Variants in ZFP64 observed in about 807,000 individuals in gnomAD.
ZFP64 encodes the protein ZFP64 zinc finger protein, also known as zinc finger protein 64.
In ZFP64, 14 loss-of-function variants were observed where a neutral mutation model predicts 51.6. That is an observed-to-expected ratio of 0.27 (90% CI 0.18 to 0.42). The LOEUF (loss-of-function observed/expected upper bound fraction) is 0.42, where lower values mean the gene tolerates loss of function less well. ZFP64 is among the 10% of genes least tolerant of loss of function. The probability of loss-of-function intolerance (pLI) is 1.00; values close to 1 mark genes in which losing one functional copy is unlikely to be tolerated. For synonymous variants in ZFP64, 375 were observed against 361.4 expected (o/e 1.04, Z -0.43); for missense variants, 754 against 906.8 (o/e 0.83, Z 2.16).
At chr20:52,178,931 G>T (rs370720929) in intron 2 of ZFP64, among the ~76,000 whole-genome samples, 51 of 152,202 alleles carry the variant, frequency 3.4e-4, no homozygotes, top group African/African-American at 1.2e-3. Context: ...ATTCTCCAAG[G>T]GCAAGCATCT....
At chr20:52,108,356 T>C (rs1277915238) in intron 5 of ZFP64, among the ~76,000 whole-genome samples, 1 of 152,238 alleles carries the variant, frequency 6.6e-6, no homozygotes, top group Admixed American at 6.5e-5. Flanking sequence ...ATTTTCCATG[T>C]AGGTATAATA....
intron 7 of ZFP64, among the ~76,000 whole-genome samples, chr20:52,093,041 CAG>C (rs2122724647): frequency 6.6e-6 from 1 of 152,184 alleles, no homozygotes; most frequent in East Asian, 1.9e-4. Flanking sequence ...TGAAATATGA[CAG>C]AAAGTGACAA....
At chr20:52,111,938 C>G (rs565795416) in intron 5 of ZFP64, among the ~76,000 whole-genome samples, 6 of 152,064 alleles carry the variant, frequency 3.9e-5, no homozygotes, top group Non-Finnish European at 5.9e-5. Context: ...AAAAAATTAG[C>G]TGGGATTGGT....
intron 5 of ZFP64, among the ~76,000 whole-genome samples, chr20:52,145,440 C>T (rs965360034): frequency 3.9e-5 from 6 of 152,170 alleles, no homozygotes; most frequent in Admixed American, 3.9e-4. Context: ...ATCACTTGAG[C>T]CCAGGAGTTT....
intron 5 of ZFP64, among the ~76,000 whole-genome samples, chr20:52,103,213 C>T (rs1286133124): frequency 6.6e-6 from 1 of 152,158 alleles, no homozygotes; most frequent in Non-Finnish European, 1.5e-5. Flanking sequence ...ATGATGTTCC[C>T]TCAGTAAGGT....
At chr20:52,147,835 C>T (rs1227994209), downstream of ZFP64, among the ~76,000 whole-genome samples, 4 of 151,962 alleles carry the variant, frequency 2.6e-5, no homozygotes, top group East Asian at 3.9e-4. Flanking sequence ...GTCCACATGG[C>T]GAAACCCCAT....
chr20:52,154,899 A>C (rs2122968559), intron 5 of ZFP64, among the ~76,000 whole-genome samples: 1 of 152,276 alleles, frequency 6.6e-6, no homozygotes, highest in East Asian at 1.9e-4. Context: ...AATATTTACT[A>C]TCTGGCCCTT....
intron 5 of ZFP64, among the ~76,000 whole-genome samples, chr20:52,100,276 C>T (rs773546229): frequency 6.6e-6 from 1 of 152,004 alleles, no homozygotes; most frequent in Non-Finnish European, 1.5e-5. Flanking sequence ...AACAGAGTCT[C>T]ACTCTGTCGC....
chr20:52,130,844 G>A (rs534832079), intron 5 of ZFP64, among the ~76,000 whole-genome samples: 3 of 152,112 alleles, frequency 2.0e-5, no homozygotes, highest in Non-Finnish European at 4.4e-5. Context: ...GGGAGGCTGA[G>A]GCGGGTAGAT....
chr20:52,145,426 G>A (rs762087120), intron 5 of ZFP64, among the ~76,000 whole-genome samples: 1 of 152,184 alleles, frequency 6.6e-6, no homozygotes, highest in Non-Finnish European at 1.5e-5. Flanking sequence ...GCTTAGGTGG[G>A]TGGATCACTT....
At position 52,120,781 on chromosome 20, in the gene ZFP64, A is replaced by G. The variant is rs1018928461; in HGVS notation, c.764-22194T>C. On this transcript the variant is annotated intron_variant, in intron 5 of 8. Transcript: ENST00000361387. ...AACCTCCATCTTCCAGGTTCAAGAG[A>G]TTCTCCAGCCTCAGCCTCCCTAGTA... Among the ~76,000 whole-genome samples, 3 of 141,366 alleles carry G rather than the reference A, an allele frequency of 2.1e-5. No individual in the cohort carries two copies. In the Admixed American group the frequency reaches 2.4e-4, roughly 11 times the overall value. 92.7% of individuals were successfully genotyped at this position (141,366 alleles called of 152,430 possible).
chr20:52,173,645 C>CTT, intron 2 of ZFP64, among the ~76,000 whole-genome samples: 1 of 144,036 alleles, frequency 6.9e-6, no homozygotes, highest in African/African-American at 2.5e-5. Context: ...TACATCCTTG[C>CTT]TTTTTTTTTT....
At chr20:52,093,142 A>T (rs1047055898) in intron 7 of ZFP64, among the ~76,000 whole-genome samples, 53 of 151,750 alleles carry the variant, frequency 3.5e-4, no homozygotes, top group Non-Finnish European at 6.3e-4. Flanking sequence ...TTAAAAAAAA[A>T]ATTTTTTTTT....
intron 5 of ZFP64, among the ~76,000 whole-genome samples, chr20:52,106,272 A>G (rs1029753572): frequency 1.3e-5 from 2 of 152,156 alleles, no homozygotes; most frequent in African/African-American, 4.8e-5. Flanking sequence ...GCGCCGCGTA[A>G]TTGACATCCA....
intron 7 of ZFP64, among the ~76,000 whole-genome samples, chr20:52,094,774 A>G (rs1224379042): frequency 6.6e-6 from 1 of 152,116 alleles, no homozygotes; most frequent in Non-Finnish European, 1.5e-5. Flanking sequence ...ATAAAAAGGA[A>G]AATGCAATAC....
chr20:52,148,449 C>T (rs1283840020), downstream of ZFP64, among the ~76,000 whole-genome samples: 8 of 152,160 alleles, frequency 5.3e-5, no homozygotes, highest in East Asian at 1.5e-3. Context: ...AGCTGTAATC[C>T]CAGCACTCTG....
rs116043281 is a variant in ZFP64 at position 52,183,505 on chromosome 20, G to A, written c.286+3327C>T. On this transcript the variant is annotated intron_variant, in intron 2 of 5. Transcript: ENST00000216923. ...CCCAGGACTGTCCTGAAGTTCCGAT[G>A]GGACCTTGGCCATGTCCCTTCCCCA... Among the ~76,000 whole-genome samples, 620 of 152,274 alleles carry A rather than the reference G, an allele frequency of 4.1e-3. 5 individuals are homozygous for A. Among genetic ancestry groups the A allele is most frequent in the African/African-American group, 0.014 (571 of 41,550 alleles).
intron 2 of ZFP64, among the ~76,000 whole-genome samples, chr20:52,172,577 T>A (rs1456943329): frequency 6.6e-6 from 1 of 152,112 alleles, no homozygotes; most frequent in Admixed American, 6.5e-5. Context: ...CCACATCTGC[T>A]GAGGCGGGAT....
intron 5 of ZFP64, among the ~76,000 whole-genome samples, chr20:52,131,272 A>C (rs1395513006): frequency 1.3e-5 from 2 of 151,756 alleles, no homozygotes; most frequent in Admixed American, 6.6e-5. Flanking sequence ...AGGAAAAGAG[A>C]GAGAAGAAAG....
Sources: allele counts gnomAD v4.1 joint callset (sites outside exome capture counted in the v4.1 genomes callset), GRCh38; gene constraint gnomAD v4.1.1; transcripts MANE v1.5; gene names NCBI Gene and HGNC (gene_info 2026-07-23, HGNC 2026-07-21).